Variants in RHOBTB1 observed in about 807,000 individuals in gnomAD.
The protein encoded by RHOBTB1 is Rho related BTB domain containing 1.
Under a neutral mutation model 71.6 loss-of-function variants are expected in RHOBTB1, and 40 were observed. The observed-to-expected ratio is 0.56, with a 90% CI of 0.43 to 0.73. RHOBTB1 has a LOEUF of 0.73. Ranked by LOEUF, RHOBTB1 falls within the 30% of genes least tolerant of loss-of-function variation. RHOBTB1 has a pLI of 0.00. For synonymous variants in RHOBTB1, 319 were observed against 334.9 expected (o/e 0.95, Z 0.52); for missense variants, 797 against 894.0 (o/e 0.89, Z 1.38).
chr10:60,919,368 A>C (rs1000320562), intron 2 of RHOBTB1, among the ~76,000 whole-genome samples: 1 of 152,244 alleles, frequency 6.6e-6, no homozygotes, highest in East Asian at 1.9e-4. Context: ...CATAATAACT[A>C]TAGCCAACAG....
chr10:60,965,220 T>C (rs2085916094), intron 2 of RHOBTB1, among the ~76,000 whole-genome samples: 1 of 152,094 alleles, frequency 6.6e-6, no homozygotes, highest in Admixed American at 6.6e-5. Context: ...TTGTATTCAA[T>C]AAGTATTGTT....
chr10:60,863,785 G>A, the RHOBTB1 span, among the ~76,000 whole-genome samples: 2 of 152,068 alleles, frequency 1.3e-5, no homozygotes, highest in African/African-American at 2.4e-5. Context: ...CGCCCACCTC[G>A]GCCTCCCAAA....
At chr10:61,001,059 T>A (rs2087247702) in intron 1 of RHOBTB1, among the ~76,000 whole-genome samples, 1 of 151,690 alleles carries the variant, frequency 6.6e-6, no homozygotes, top group Non-Finnish European at 1.5e-5. Context: ...TGTGTGTGTG[T>A]GAGTGCGCGC....
At chr10:60,962,052 C>A (rs556349286) in intron 2 of RHOBTB1, among the ~76,000 whole-genome samples, 4 of 152,184 alleles carry the variant, frequency 2.6e-5, no homozygotes, top group Non-Finnish European at 5.9e-5. Flanking sequence ...AATTGATCCG[C>A]CGGCCTCGGC....
intron 4 of RHOBTB1, among the ~76,000 whole-genome samples, chr10:60,905,988 C>T (rs868482461): frequency 2.6e-5 from 4 of 152,152 alleles, no homozygotes; most frequent in African/African-American, 9.7e-5. Flanking sequence ...CAGGTAACTT[C>T]AACATGAAAC....
intron 4 of RHOBTB1, among the ~76,000 whole-genome samples, chr10:60,895,084 A>G (rs892926743): frequency 1.1e-4 from 16 of 152,236 alleles, no homozygotes; most frequent in Admixed American, 7.2e-4. Flanking sequence ...TGATAGTAGC[A>G]CAATGCCATC....
intron 2 of RHOBTB1, among the ~76,000 whole-genome samples, chr10:60,932,379 G>A (rs2133990876): frequency 6.6e-6 from 1 of 152,000 alleles, no homozygotes; most frequent in East Asian, 1.9e-4. Flanking sequence ...CAGAAGTAGG[G>A]CACTGGTGGT....
At chr10:60,893,449 T>C (rs1227255309) in intron 4 of RHOBTB1, among the ~76,000 whole-genome samples, 1 of 152,176 alleles carries the variant, frequency 6.6e-6, no homozygotes, top group Non-Finnish European at 1.5e-5. Context: ...TTACTGAAAA[T>C]GTAACAAGTA....
At chr10:60,872,553 G>A (rs1025334460) in intron 9 of RHOBTB1, among the ~76,000 whole-genome samples, 3 of 151,000 alleles carry the variant, frequency 2.0e-5, no homozygotes, top group East Asian at 3.9e-4. Context: ...AGTATGCCTC[G>A]CCCTCCCGCC....
intron 2 of RHOBTB1, among the ~76,000 whole-genome samples, chr10:60,972,894 A>AG (rs1261905467): frequency 6.6e-6 from 1 of 151,992 alleles, no homozygotes; most frequent in Non-Finnish European, 1.5e-5. Context: ...TGGAGGCAAA[A>AG]TACCCACTGA....
chr10:60,893,467 T>C (rs1287033713), intron 4 of RHOBTB1, among the ~76,000 whole-genome samples: 1 of 152,222 alleles, frequency 6.6e-6, no homozygotes, highest in Non-Finnish European at 1.5e-5. Flanking sequence ...GTATTTGCTG[T>C]ACAGGGTCAG....
At chr10:60,942,832 T>C (rs1264749279) in intron 1 of RHOBTB1, among the ~76,000 whole-genome samples, 1 of 151,364 alleles carries the variant, frequency 6.6e-6, no homozygotes, top group Non-Finnish European at 1.5e-5. Flanking sequence ...AGAGGACTTA[T>C]ACAAAGATGA....
chr10:60,898,982 T>C (rs1012968498), intron 4 of RHOBTB1, among the ~76,000 whole-genome samples: 2 of 152,196 alleles, frequency 1.3e-5, no homozygotes, highest in African/African-American at 2.4e-5. Context: ...AACCTAATAC[T>C]TGAGTCTTAG....
intron 2 of RHOBTB1, among the ~76,000 whole-genome samples, chr10:60,964,978 C>A (rs879295551): frequency 6.6e-6 from 1 of 152,026 alleles, no homozygotes; most frequent in Non-Finnish European, 1.5e-5. Flanking sequence ...AATACTAAAA[C>A]AAAGTCTCTG....
chr10:60,975,960 G>T (rs1199991309), intron 2 of RHOBTB1, among the ~76,000 whole-genome samples: 1 of 151,988 alleles, frequency 6.6e-6, no homozygotes, highest in Non-Finnish European at 1.5e-5. Flanking sequence ...AGTCTTATCT[G>T]GTTCTCTGCC....
chr10:60,954,337 T>G (rs1398900460), intron 2 of RHOBTB1, among the ~76,000 whole-genome samples: 1 of 152,202 alleles, frequency 6.6e-6, no homozygotes, highest in East Asian at 1.9e-4. Context: ...TTGAAATTAT[T>G]ATAAAAATAC....
chr10:60,966,994 A>T (rs1355640528), intron 2 of RHOBTB1, among the ~76,000 whole-genome samples: 2 of 152,052 alleles, frequency 1.3e-5, no homozygotes, highest in Non-Finnish European at 2.9e-5. Context: ...TAAATAAACA[A>T]GGCACATCTT....
chr10:60,874,954 C>T lies in RHOBTB1; in HGVS notation c.1815G>A (p.Gln605=). 6.2e-7 allele frequency: 1 copy of T among 1,611,418 alleles called. No individual in the cohort carries two copies. Among genetic ancestry groups the T allele is most frequent in the Non-Finnish European group, 8.5e-7 (1 of 1,177,546 alleles). ...AGGTAAAAAGCAAACTGTTACAAAC[C>T]TGAGCCAATTCCAAGTAAGAGAGCA... ...GEVLSYLELA[Q]FHNAHQLAAW... Residue 605 remains glutamine (Q), a splice_region_variant and synonymous_variant, in exon 9 of 11, where the codon CAG becomes CAA. Transcript: ENST00000337910.
chr10:60,957,542 C>T (rs2085636472), intron 2 of RHOBTB1, among the ~76,000 whole-genome samples: 1 of 152,134 alleles, frequency 6.6e-6, no homozygotes, highest in Admixed American at 6.6e-5. Flanking sequence ...GCAGCCACCA[C>T]CAAGCCTTAC....
Sources: allele counts gnomAD v4.1 joint callset (sites outside exome capture counted in the v4.1 genomes callset), GRCh38; gene constraint gnomAD v4.1.1; transcripts MANE v1.5; gene names NCBI Gene and HGNC (gene_info 2026-07-23, HGNC 2026-07-21).